The following KCNQ5 variants were observed in gnomAD, a reference collection of about 807,000 sequenced individuals.
KCNQ5 encodes potassium voltage-gated channel subfamily KQT member 5.
Under a neutral mutation model 98.2 loss-of-function variants are expected in KCNQ5, and 30 were observed. The observed-to-expected ratio is 0.31, with a 90% CI of 0.23 to 0.41. The LOEUF (loss-of-function observed/expected upper bound fraction) is 0.41. Among genes scored for constraint, KCNQ5 ranks in the 10% least tolerant of loss-of-function variants. The pLI, the probability that KCNQ5 is intolerant of heterozygous loss-of-function variation, is 1.00. For synonymous variants in KCNQ5, 458 were observed against 449.4 expected, an observed-to-expected ratio of 1.02 and a Z score of -0.24; for missense variants, 835 against 1,182.5, an observed-to-expected ratio of 0.71 and a Z score of 4.31.
chr6:72,709,026 T>C (rs1056310614), intron 1 of KCNQ5, among the ~76,000 whole-genome samples: 5 of 152,184 alleles, frequency 3.3e-5, no homozygotes, highest in Non-Finnish European at 7.3e-5. Context: ...TTTGACAAAT[T>C]CCAAAATAAT....
intron 1 of KCNQ5, among the ~76,000 whole-genome samples, chr6:72,877,633 A>T (rs1300142163): frequency 2.6e-5 from 4 of 152,210 alleles, no homozygotes; most frequent in African/African-American, 9.6e-5. Context: ...TCCTTGAAGA[A>T]TTGCCACACT....
At chr6:72,711,569 C>T (rs1445175385) in intron 1 of KCNQ5, among the ~76,000 whole-genome samples, 2 of 152,068 alleles carry the variant, frequency 1.3e-5, no homozygotes, top group South Asian at 2.1e-4. Flanking sequence ...GTGGACTCTG[C>T]GAAGGATTTT....
intron 12 of KCNQ5, among the ~76,000 whole-genome samples, chr6:73,191,335 C>A (rs918777107): frequency 2.0e-5 from 3 of 152,100 alleles, no homozygotes; most frequent in African/African-American, 4.8e-5. Context: ...GACTGAGGTC[C>A]TTCATTCATG....
chr6:72,787,184 C>T (rs1442206326), intron 1 of KCNQ5, among the ~76,000 whole-genome samples: 5 of 151,894 alleles, frequency 3.3e-5, no homozygotes, highest in Non-Finnish European at 7.4e-5. Context: ...TGCATTTTTA[C>T]ATTTAAAATG....
chr6:72,879,377 G>A (rs1320233437), intron 1 of KCNQ5, among the ~76,000 whole-genome samples: 3 of 152,074 alleles, frequency 2.0e-5, no homozygotes, highest in African/African-American at 7.2e-5. Flanking sequence ...TTACAAATGA[G>A]ATTGAGCATC....
In KCNQ5 at chr6:73,156,184, G is replaced by T. The variant is rs990644036; in HGVS notation, c.1469-13562G>T. On this transcript the variant is annotated intron_variant, in intron 10 of 13. Coordinates refer to ENST00000370398, the MANE Select transcript of KCNQ5 (RefSeq NM_019842.4). ...GTGAGTAATTTAAATACAACCAGCA[G>T]CAGAAAGAAGGAACCCTTGGAAAGT... Among the ~76,000 whole-genome samples the T allele has an allele frequency of 2.0e-5, 3 of 152,130 alleles. No homozygotes were observed. The East Asian group carries it at 5.8e-4, about 29-fold the overall frequency.
chr6:72,638,824 C>T (rs1298914732), intron 1 of KCNQ5, among the ~76,000 whole-genome samples: 3 of 152,064 alleles, frequency 2.0e-5, no homozygotes, highest in African/African-American at 2.4e-5. Context: ...GGTAGTGGAG[C>T]GGCAGTGCAG....
chr6:72,740,715 T>C (rs536158659), intron 1 of KCNQ5, among the ~76,000 whole-genome samples: 1 of 152,092 alleles, frequency 6.6e-6, no homozygotes, highest in Non-Finnish European at 1.5e-5. Context: ...GATGAAAAGA[T>C]TCTAGGAAGT....
intron 1 of KCNQ5, among the ~76,000 whole-genome samples, chr6:72,698,665 T>TC (rs1228121661): frequency 3.5e-5 from 5 of 140,854 alleles, no homozygotes; most frequent in African/African-American, 1.4e-4. Flanking sequence ...TTTTTTTTTT[T>TC]TTTTTGGAGA....
chr6:72,862,910 A>C (rs1452443129), intron 1 of KCNQ5, among the ~76,000 whole-genome samples: 1 of 152,186 alleles, frequency 6.6e-6, no homozygotes. Flanking sequence ...TTATAGGTAC[A>C]AACCACTGCA....
chr6:72,936,249 A>G (rs978758641), intron 1 of KCNQ5, among the ~76,000 whole-genome samples: 11 of 152,182 alleles, frequency 7.2e-5, no homozygotes, highest in African/African-American at 2.7e-4. Flanking sequence ...CCTATTCTCT[A>G]TCCCATTATT....
chr6:72,781,184 A>G (rs1773447297), intron 1 of KCNQ5, among the ~76,000 whole-genome samples: 1 of 152,158 alleles, frequency 6.6e-6, no homozygotes, highest in Admixed American at 6.6e-5. Flanking sequence ...GACACACAGA[A>G]AGGAACATGA....
intron 1 of KCNQ5, among the ~76,000 whole-genome samples, chr6:72,969,560 T>C (rs1767774236): frequency 1.3e-5 from 2 of 152,146 alleles, no homozygotes; most frequent in Admixed American, 1.3e-4. Context: ...GTATCAGAAT[T>C]CCCTTCATCT....
chr6:72,798,454 T>C (rs1460264570), intron 1 of KCNQ5, among the ~76,000 whole-genome samples: 1 of 152,164 alleles, frequency 6.6e-6, no homozygotes, highest in Non-Finnish European at 1.5e-5. Context: ...GGGTTTGTTA[T>C]TCAAACGAGT....
chr6:73,169,886 A>G (rs1236732596), intron 11 of KCNQ5, 32 bp downstream of exon 11: 2 of 1,325,812 alleles, frequency 1.5e-6, no homozygotes, highest in Admixed American at 3.4e-5. Flanking sequence ...CGTGATTCAG[A>G]GACATACTTA....
intron 5 of KCNQ5, among the ~76,000 whole-genome samples, chr6:73,087,006 A>G (rs1168371908): frequency 6.6e-6 from 1 of 152,240 alleles, no homozygotes; most frequent in African/African-American, 2.4e-5. Context: ...TGCAGTGAGC[A>G]AGGGTAAAAT....
At chr6:72,956,074 G>A (rs1767031420) in intron 1 of KCNQ5, among the ~76,000 whole-genome samples, 1 of 152,152 alleles carries the variant, frequency 6.6e-6, no homozygotes, top group Non-Finnish European at 1.5e-5. Context: ...GTAAGAAAAG[G>A]GAATGAAACT....
intron 1 of KCNQ5, among the ~76,000 whole-genome samples, chr6:72,795,755 C>T (rs1230618376): frequency 6.6e-6 from 1 of 152,132 alleles, no homozygotes; most frequent in Admixed American, 6.6e-5. Flanking sequence ...AAAGTTTACA[C>T]AAAAATTGTT....
chr6:73,115,850 G>A (rs1261400474), intron 7 of KCNQ5, among the ~76,000 whole-genome samples: 1 of 152,154 alleles, frequency 6.6e-6, no homozygotes, highest in Non-Finnish European at 1.5e-5. Flanking sequence ...ATTCCGCACA[G>A]GAAAGAGCAA....
Sources: allele counts gnomAD v4.1 joint callset (sites outside exome capture counted in the v4.1 genomes callset), GRCh38; gene constraint gnomAD v4.1.1; transcripts MANE v1.5; gene names NCBI Gene and HGNC (gene_info 2026-07-23, HGNC 2026-07-21).